LRCH1: variants seen among roughly 807,000 people sequenced by gnomAD.
LRCH1 encodes the protein leucine rich repeats and calponin homology domain containing 1.
LRCH1 carries 23 observed loss-of-function variants against 94.9 expected under a neutral mutation model. The ratio of observed to expected loss-of-function variants is 0.24; its 90% CI spans 0.17 to 0.34. The LOEUF (loss-of-function observed/expected upper bound fraction) is 0.34, where lower values mean the gene tolerates loss of function less well. LRCH1 is among the 10% of genes least tolerant of loss of function. LRCH1 has a pLI of 1.00. For missense variants in LRCH1, 790 were observed against 945.9 expected (o/e 0.84, Z 2.16); for synonymous variants, 364 against 354.9 (o/e 1.03, Z -0.29).
intron 13 of LRCH1, among the ~76,000 whole-genome samples, chr13:46,710,094 G>A (rs1871980414): frequency 6.6e-6 from 1 of 152,186 alleles, no homozygotes; most frequent in South Asian, 2.1e-4. Context: ...GTAAAGGACT[G>A]GAAGATGAAG....
intron 3 of LRCH1, among the ~76,000 whole-genome samples, chr13:46,676,314 G>A (rs1248544409): frequency 6.6e-6 from 1 of 152,134 alleles, no homozygotes; most frequent in Non-Finnish European, 1.5e-5. Flanking sequence ...GTTTTTGACT[G>A]TTAAGAAATC....
chr13:46,627,333 A>G (rs866892915), intron 1 of LRCH1, among the ~76,000 whole-genome samples: 7 of 152,346 alleles, frequency 4.6e-5, no homozygotes, highest in Non-Finnish European at 8.8e-5. Context: ...AAGTGATACC[A>G]GCTAAATCAC....
chr13:46,553,423 A>G lies in LRCH1; in HGVS notation c.27A>G (p.Gln9=), dbSNP rs769430375. 28 of 1,544,536 alleles carry G rather than the reference A, an allele frequency of 1.8e-5. No homozygotes were observed. In the South Asian group the frequency reaches 2.6e-4, roughly 14 times the overall value. The change falls in exon 1 of 20, where the codon CAA becomes CAG. Residue 9 remains glutamine (Q), a synonymous_variant. Transcript: ENST00000389797. ...TGGCGACGCCGGGAAGCGAACCCCA[A>G]CCTTTCGTCCCGGCCCTTTCGGTAG... is the stretch of plus-strand genomic sequence containing the variant. MATPGSEP[Q]PFVPALSVAT...
chr13:46,625,503 CTG>C (rs1239710325), intron 1 of LRCH1, among the ~76,000 whole-genome samples: 2 of 152,190 alleles, frequency 1.3e-5, no homozygotes, highest in East Asian at 1.9e-4. Context: ...TATGAGGACA[CTG>C]TGAGAAAACA....
At chr13:46,635,310 G>A (rs1010105273) in intron 1 of LRCH1, among the ~76,000 whole-genome samples, 1 of 152,060 alleles carries the variant, frequency 6.6e-6, no homozygotes, top group Non-Finnish European at 1.5e-5. Flanking sequence ...CTCAGCTAAC[G>A]GGGCTTGCAG....
downstream of LRCH1, among the ~76,000 whole-genome samples, chr13:46,745,715 T>C (rs1873883924): frequency 1.3e-5 from 2 of 152,148 alleles, no homozygotes; most frequent in Admixed American, 6.5e-5. Flanking sequence ...GTTTTAAAGC[T>C]CAAACAGTGT....
At chr13:46,573,471 G>A (rs894991034) in intron 1 of LRCH1, among the ~76,000 whole-genome samples, 3 of 152,126 alleles carry the variant, frequency 2.0e-5, no homozygotes, top group African/African-American at 7.2e-5. Flanking sequence ...AGATTTGAAA[G>A]CATCCTAAGT....
At chr13:46,662,488 A>G (rs552021201) in intron 2 of LRCH1, among the ~76,000 whole-genome samples, 233 of 152,328 alleles carry the variant, frequency 1.5e-3, no homozygotes, top group Non-Finnish European at 2.7e-3. Flanking sequence ...TTATTTTGAA[A>G]GCTCAATTGA....
At chr13:46,695,158 C>A in intron 9 of LRCH1, 141 bp downstream of exon 9, 1 of 970,608 alleles carries the variant, frequency 1.0e-6, no homozygotes, top group Non-Finnish European at 1.5e-6. Flanking sequence ...AACATCTCAG[C>A]GCTCAGCGTG....
intron 18 of LRCH1, among the ~76,000 whole-genome samples, chr13:46,732,376 A>G (rs74805560): frequency 0.017 from 2,562 of 152,318 alleles, 57 homozygotes; most frequent in African/African-American, 0.056. Context: ...ATGTTTTATT[A>G]TTGGACCAGT....
chr13:46,647,112 C>CAAA (rs61648661), intron 1 of LRCH1, among the ~76,000 whole-genome samples: 1 of 84,464 alleles, frequency 1.2e-5, no homozygotes, highest in African/African-American at 4.6e-5. Context: ...GACTCCAACT[C>CAAA]AAAAAAAAAA....
intron 1 of LRCH1, among the ~76,000 whole-genome samples, chr13:46,575,696 A>T (rs2050297231): frequency 6.6e-6 from 1 of 152,232 alleles, no homozygotes; most frequent in Non-Finnish European, 1.5e-5. Flanking sequence ...AAGCAAGATC[A>T]GTGTGTGCTC....
intron 18 of LRCH1, among the ~76,000 whole-genome samples, chr13:46,731,522 C>T (rs967355098): frequency 5.3e-5 from 8 of 152,200 alleles, no homozygotes; most frequent in Non-Finnish European, 1.2e-4. Context: ...TGAGCCACCT[C>T]GCCCAGCCTA....
At chr13:46,624,046 G>T (rs2138030155) in intron 1 of LRCH1, among the ~76,000 whole-genome samples, 1 of 151,974 alleles carries the variant, frequency 6.6e-6, no homozygotes, top group Middle Eastern at 3.4e-3. Flanking sequence ...ACCACACCCA[G>T]ACAATTTTTC....
chr13:46,734,434 G>A (rs1030856416), intron 19 of LRCH1, among the ~76,000 whole-genome samples: 4 of 152,086 alleles, frequency 2.6e-5, no homozygotes, highest in African/African-American at 7.2e-5. Flanking sequence ...TTTTCCATAT[G>A]TGGATAAAAA....
intron 2 of LRCH1, among the ~76,000 whole-genome samples, chr13:46,660,682 C>T (rs1329171163): frequency 6.6e-6 from 1 of 152,160 alleles, no homozygotes; most frequent in African/African-American, 2.4e-5. Flanking sequence ...CCTTTTTCTT[C>T]TCTATTACCG....
chr13:46,638,116 A>G (rs1031297826), intron 1 of LRCH1, among the ~76,000 whole-genome samples: 2 of 152,250 alleles, frequency 1.3e-5, no homozygotes, highest in Non-Finnish European at 1.5e-5. Flanking sequence ...TTAGGTTGCT[A>G]TGGATACATT....
chr13:46,725,360 C>A (rs1369906544), intron 17 of LRCH1, among the ~76,000 whole-genome samples: 1 of 152,060 alleles, frequency 6.6e-6, no homozygotes. Flanking sequence ...TAAATTTTTT[C>A]AATAAAGAAA....
At chr13:46,735,824 A>T (rs1256895042) in intron 19 of LRCH1, among the ~76,000 whole-genome samples, 11 of 110,100 alleles carry the variant, frequency 1.0e-4, no homozygotes, top group Non-Finnish European at 1.7e-4. Context: ...ATGGAGTCCC[A>T]CTCTGTCACC....
Sources: allele counts gnomAD v4.1 joint callset (sites outside exome capture counted in the v4.1 genomes callset), GRCh38; gene constraint gnomAD v4.1.1; transcripts MANE v1.5; gene names NCBI Gene and HGNC (gene_info 2026-07-23, HGNC 2026-07-21).